SRBD1: variants seen among roughly 807,000 people sequenced by gnomAD.
The protein encoded by SRBD1 is S1 RNA binding domain 1.
A neutral mutation model predicts 115.3 loss-of-function variants in SRBD1; 88 were observed. That is an observed-to-expected ratio of 0.76 (90% confidence interval 0.64 to 0.91). The LOEUF (loss-of-function observed/expected upper bound fraction) is 0.91, where lower values mean the gene tolerates loss of function less well. SRBD1 is among the 40% of genes least tolerant of loss of function. SRBD1 has a pLI of 0.00. For missense variants in SRBD1, 1,385 were observed against 1,177.4 expected (o/e 1.18, Z -2.58); for synonymous variants, 509 against 407.7 (o/e 1.25, Z -2.99).
At chr2:45,438,050 T>C (rs1260285014) in intron 16 of SRBD1, among the ~76,000 whole-genome samples, 3 of 152,192 alleles carry the variant, frequency 2.0e-5, no homozygotes, top group East Asian at 1.9e-4. Context: ...CATTCATCAA[T>C]TGTAACAAAT....
chr2:45,473,258 TTTA>T (rs1454831703), intron 16 of SRBD1, among the ~76,000 whole-genome samples: 1 of 152,182 alleles, frequency 6.6e-6, no homozygotes, highest in Non-Finnish European at 1.5e-5. Context: ...CTAGAGTTAA[TTTA>T]TATCTGAATC....
At chr2:45,534,319 A>G (rs1435920694) in intron 14 of SRBD1, among the ~76,000 whole-genome samples, 3 of 151,942 alleles carry the variant, frequency 2.0e-5, no homozygotes, top group Admixed American at 2.0e-4. Flanking sequence ...ACATAGTTTT[A>G]TTTTTTAATT....
At chr2:45,422,787 A>C (rs999718247) in intron 16 of SRBD1, among the ~76,000 whole-genome samples, 2 of 152,254 alleles carry the variant, frequency 1.3e-5, no homozygotes, top group African/African-American at 4.8e-5. Flanking sequence ...AAAAACTTTC[A>C]GTGTATTTTT....
intron 10 of SRBD1, among the ~76,000 whole-genome samples, chr2:45,557,473 T>G (rs1199574339): frequency 5.9e-5 from 9 of 152,180 alleles, no homozygotes; most frequent in African/African-American, 2.2e-4. Flanking sequence ...GATCCTCCCT[T>G]GGCTTGGACT....
chr2:45,459,354 G>T (rs1213840195), intron 16 of SRBD1, among the ~76,000 whole-genome samples: 1 of 152,094 alleles, frequency 6.6e-6, no homozygotes, highest in Non-Finnish European at 1.5e-5. Context: ...CTCATTCCTG[G>T]ATTATGACCA....
chr2:45,507,653 G>A (rs566783731), intron 14 of SRBD1, among the ~76,000 whole-genome samples: 26 of 152,014 alleles, frequency 1.7e-4, no homozygotes, highest in Middle Eastern at 3.4e-3. Context: ...CCCAAGAGGT[G>A]GAGGTACAGT....
chr2:45,389,722 T>C, intron 20 of SRBD1, 123 bp from the exon 21 acceptor site: 1 of 987,198 alleles, frequency 1.0e-6, no homozygotes, highest in Non-Finnish European at 1.5e-6. Context: ...AAGGGGGGAT[T>C]ATAAAAGGAG....
chr2:45,494,361 T>A (rs1262807899), intron 14 of SRBD1, among the ~76,000 whole-genome samples: 1 of 152,130 alleles, frequency 6.6e-6, no homozygotes, highest in African/African-American at 2.4e-5. Flanking sequence ...CAGGGAATCA[T>A]ATCAGATAAT....
At chr2:45,438,641 G>A (rs1009337859) in intron 16 of SRBD1, among the ~76,000 whole-genome samples, 28 of 113,392 alleles carry the variant, frequency 2.5e-4, no homozygotes, top group Admixed American at 1.6e-3. Flanking sequence ...CAGTGAACAC[G>A]AAGAGAGATA....
intron 14 of SRBD1, among the ~76,000 whole-genome samples, chr2:45,488,743 C>T (rs1300238592): frequency 6.6e-6 from 1 of 151,978 alleles, no homozygotes; most frequent in Non-Finnish European, 1.5e-5. Context: ...CATTCTAAGG[C>T]ACCTTGAAAA....
chr2:45,454,534 A>T (rs1669094212), intron 16 of SRBD1, among the ~76,000 whole-genome samples: 1 of 151,856 alleles, frequency 6.6e-6, no homozygotes, highest in Non-Finnish European at 1.5e-5. Flanking sequence ...GTTATAAAAC[A>T]TCAATCTAAT....
intron 14 of SRBD1, among the ~76,000 whole-genome samples, chr2:45,521,296 C>CACACACACACACACAT (rs1558451529): frequency 7.7e-6 from 1 of 129,050 alleles, no homozygotes; most frequent in African/African-American, 3.7e-5. Flanking sequence ...AACACACACA[C>CACACACACACACACAT]ACACACACAC....
chr2:45,540,621 T>C (rs1238000242), intron 14 of SRBD1, among the ~76,000 whole-genome samples: 2 of 152,160 alleles, frequency 1.3e-5, no homozygotes, highest in African/African-American at 4.8e-5. Context: ...ATGAAACATA[T>C]ACCTGACAAA....
chr2:45,548,758 G>A (rs946162687), intron 12 of SRBD1, among the ~76,000 whole-genome samples: 1 of 148,792 alleles, frequency 6.7e-6, no homozygotes, highest in South Asian at 2.1e-4. Flanking sequence ...CCCACTGGCT[G>A]TAAAATGAAC....
chr2:45,454,353 C>T (rs184974134), intron 16 of SRBD1, among the ~76,000 whole-genome samples: 88 of 151,894 alleles, frequency 5.8e-4, no homozygotes, highest in Admixed American at 1.1e-3. Context: ...TTCTATATAT[C>T]ACCTTAATTT....
At chr2:45,512,504 A>T (rs949369262) in intron 14 of SRBD1, among the ~76,000 whole-genome samples, 2 of 152,152 alleles carry the variant, frequency 1.3e-5, no homozygotes, top group Non-Finnish European at 2.9e-5. Flanking sequence ...AAAAAATAAC[A>T]ATTTTCTGGC....
At chr2:45,463,160 C>G (rs1443587124) in intron 16 of SRBD1, among the ~76,000 whole-genome samples, 1 of 152,120 alleles carries the variant, frequency 6.6e-6, no homozygotes, top group African/African-American at 2.4e-5. Context: ...GGACGGAGAA[C>G]TTTGCCATGA....
At chr2:45,422,184 T>C (rs913039582) in intron 16 of SRBD1, among the ~76,000 whole-genome samples, 1 of 152,196 alleles carries the variant, frequency 6.6e-6, no homozygotes, top group African/African-American at 2.4e-5. Flanking sequence ...AACAAGTTGA[T>C]ACAGTACTTC....
At chr2:45,588,282 T>A (rs987653038) in intron 4 of SRBD1, among the ~76,000 whole-genome samples, 1 of 152,178 alleles carries the variant, frequency 6.6e-6, no homozygotes, top group African/African-American at 2.4e-5. Flanking sequence ...TCCAACCTCA[T>A]CTTATCCAGT....
Sources: gnomAD v4.1 joint callset for allele counts (sites outside exome capture counted in the v4.1 genomes callset) on GRCh38, gnomAD v4.1.1 for gene constraint, MANE v1.5 for transcripts, NCBI Gene and HGNC (gene_info 2026-07-23, HGNC 2026-07-21) for gene names.